LIMD1: variants seen among roughly 807,000 people sequenced by gnomAD.
LIMD1 encodes the protein LIM domain-containing protein 1.
In LIMD1, 23 loss-of-function variants were observed where a neutral mutation model predicts 58.4. The ratio of observed to expected loss-of-function variants is 0.39; its 90% CI spans 0.28 to 0.56. The LOEUF is 0.56. LIMD1 is among the 20% of genes least tolerant of loss of function. The pLI is 0.57. For missense variants in LIMD1, 838 were observed against 855.5 expected (o/e 0.98, Z 0.25); for synonymous variants, 334 against 345.5 (o/e 0.97, Z 0.37).
intron 5 of LIMD1, 27 bp downstream of exon 5, chr3:45,672,847 C>T (rs776731903): frequency 1.2e-6 from 2 of 1,611,872 alleles, no homozygotes; most frequent in African/African-American, 1.3e-5. Context: ...GCAGACAGGA[C>T]CCATTCGTGT....
intron 1 of LIMD1, among the ~76,000 whole-genome samples, chr3:45,618,634 C>T (rs1329019560): frequency 2.0e-5 from 3 of 152,192 alleles, no homozygotes; most frequent in Non-Finnish European, 2.9e-5. Context: ...TTATGGGGCA[C>T]CTCTGTGCCA....
chr3:45,629,106 A>G (rs193158831), intron 1 of LIMD1, among the ~76,000 whole-genome samples: 2 of 152,256 alleles, frequency 1.3e-5, no homozygotes, highest in African/African-American at 2.4e-5. Flanking sequence ...GTGATTTCAC[A>G]GGTGTATAGA....
At position 45,672,673 on chromosome 3, in the gene LIMD1, C is replaced by T. The variant is rs1357942591; in HGVS notation, c.1642-17C>T. On this transcript the variant is annotated splice_polypyrimidine_tract_variant and intron_variant, in intron 4 of 7. Coordinates refer to ENST00000273317, the MANE Select transcript of LIMD1 (RefSeq NM_014240.3). ...TCCTTCCCTATAATCCCCACTGAGT[C>T]TTGGTCTCTGCTCCAGATCCTGCAA... 2 of 1,612,992 alleles carry T rather than the reference C, an allele frequency of 1.2e-6. No individual in the cohort carries two copies. Among genetic ancestry groups the T allele is most frequent in the Non-Finnish European group, 1.7e-6 (2 of 1,179,640 alleles).
At chr3:45,620,323 A>G (rs1298048376) in intron 1 of LIMD1, among the ~76,000 whole-genome samples, 1 of 152,220 alleles carries the variant, frequency 6.6e-6, no homozygotes. Flanking sequence ...GGGTATTGTA[A>G]CCCAGAGAAT....
chr3:45,624,263 CATG>C (rs763604215), intron 1 of LIMD1, among the ~76,000 whole-genome samples: 2 of 151,922 alleles, frequency 1.3e-5, no homozygotes, highest in African/African-American at 2.4e-5. Flanking sequence ...TGTGATCTTG[CATG>C]ATGTCTGGTG....
Position 45,595,068 on chromosome 3 carries a change from G to C in LIMD1, c.189G>C (p.Gln63His), listed in dbSNP as rs1360660760. 5.6e-6 allele frequency: 9 copies of C among 1,613,430 alleles called. No homozygotes were observed. The African/African-American group carries it at 6.7e-5, about 12-fold the overall frequency. The part of the protein sequence containing the change: ...AKIHLQQQQQ[Q>H]LLQEETLPRG... ...TCCACCTCCAGCAGCAGCAGCAGCA[G>C]CTCCTGCAGGAGGAGACTCTGCCCA... is the stretch of plus-strand genomic sequence containing the variant. The change falls in exon 1 of 8, where the codon CAG becomes CAC. Residue 63 changes from glutamine to histidine, a missense_variant. By Grantham distance (24) the Gln-to-His change is conservative (BLOSUM62 0). Transcript: ENST00000273317.
In LIMD1 at chr3:45,658,535, C is replaced by CTTTTTTTTT. The variant is rs10572210; in HGVS notation, c.1511-7091_1511-7083dup. 2.0e-3 allele frequency among the ~76,000 whole-genome samples: 89 copies of CTTTTTTTTT among 44,768 alleles called. 13 individuals carry two copies. The highest frequency in any genetic ancestry group is 2.9e-3 in the Non-Finnish European group (65 of 22,176). 29.4% of individuals were successfully genotyped at this position (44,768 alleles called of 152,430 possible). On this transcript the variant is annotated intron_variant, in intron 2 of 7. Transcript: ENST00000273317. ...AACCATCCCCTCCACCATGCAGATT[C>CTTTTTTTTT]TTTTTTTTTTTTTTTTTTTTTTTTT... is the stretch of plus-strand genomic sequence containing the variant.
intron 1 of LIMD1, among the ~76,000 whole-genome samples, chr3:45,612,295 G>T (rs1701533796): frequency 6.6e-6 from 1 of 152,026 alleles, no homozygotes; most frequent in Non-Finnish European, 1.5e-5. Context: ...TCTTGCCCAG[G>T]CTGGTCTTGA....
chr3:45,597,393 C>T lies in LIMD1; in HGVS notation c.1408+1106C>T, dbSNP rs569619786. On this transcript the variant is annotated intron_variant, in intron 1 of 7. Transcript: ENST00000273317. Reference sequence around the variant, plus strand: ...GCCAACAGCCAGGTTGCACCACAGCCGTGGCACAAACTATGATGGAAAATG... The same window carrying T: ...GCCAACAGCCAGGTTGCACCACAGCTGTGGCACAAACTATGATGGAAAATG... Among the ~76,000 whole-genome samples the T allele has an allele frequency of 5.3e-5, 8 of 152,302 alleles. No individual in the cohort carries two copies. In the South Asian group the frequency reaches 1.7e-3, roughly 32 times the overall value.
At position 45,649,709 on chromosome 3, in the gene LIMD1, C is replaced by CAT. The variant is rs200476222; in HGVS notation, c.1510+13470_1510+13471dup. Among the ~76,000 whole-genome samples the CAT allele has an allele frequency of 3.5e-3, 469 of 135,168 alleles. 15 individuals carry two copies. The East Asian group carries it at 0.055, about 16-fold the overall frequency. 88.7% of individuals were successfully genotyped at this position (135,168 alleles called of 152,430 possible). A position where few individuals can be genotyped will look rare whatever the true frequency, so the allele number is the denominator to read the frequency against. On this transcript the variant is annotated intron_variant, in intron 2 of 7. Coordinates refer to ENST00000273317, the MANE Select transcript of LIMD1 (RefSeq NM_014240.3). ...AAAAAAAAAATTATATATATGTATA[C>CAT]ATATATATATATAAAATTATATAGA...
Position 45,595,673 on chromosome 3 carries a change from C to G in LIMD1, c.794C>G (p.Thr265Ser). ...GAGAAGCCAACAGGCCTTTGGTCCA[C>G]TGCCTCCTCCCAGCGGGTGAGCCCT... ...SSEKPTGLWS[T>S]ASSQRVSPGL... is the part of the protein sequence containing the mutation. Residue 265 changes from threonine (T) to serine (S), a missense_variant, in exon 1 of 8, where the codon ACT (threonine) becomes AGT (serine). Coordinates refer to ENST00000273317, the MANE Select transcript of LIMD1 (RefSeq NM_014240.3). 1 of 1,614,196 alleles carries G rather than the reference C, an allele frequency of 6.2e-7. No homozygotes were observed. Among genetic ancestry groups the G allele is most frequent in the Non-Finnish European group, 8.5e-7 (1 of 1,180,044 alleles).
chr3:45,644,489 G>A (rs1276516417), intron 2 of LIMD1, among the ~76,000 whole-genome samples: 23 of 152,168 alleles, frequency 1.5e-4, no homozygotes, highest in Admixed American at 9.8e-4. Flanking sequence ...CTAGCTTACC[G>A]TGGGCCTGAC....
chr3:45,679,380 G>C lies in LIMD1; in HGVS notation c.*2321G>C, dbSNP rs982145563. The C allele has an allele frequency of 6.6e-6, 1 of 152,130 alleles. No individual in the cohort carries two copies. The highest frequency in any genetic ancestry group is 1.5e-5 in the Non-Finnish European group (1 of 68,044). 9.4% of individuals were successfully genotyped at this position (152,130 alleles called of 1,614,324 possible). A position where few individuals can be genotyped will look rare whatever the true frequency, so the allele number is the denominator to read the frequency against. ...TCTCCAATCAGTTGTTTTTCTCTTC[G>C]CTTCAGGCCCTTACACAAAAGCCAT... On this transcript the variant is annotated 3_prime_UTR_variant, in exon 8 of 8. Coordinates refer to ENST00000273317, the MANE Select transcript of LIMD1 (RefSeq NM_014240.3).
intron 3 of LIMD1, 129 bp from the exon 4 acceptor site, chr3:45,668,165 G>C: frequency 1.5e-6 from 1 of 688,746 alleles, no homozygotes; most frequent in Non-Finnish European, 2.5e-6. Context: ...TTGTACTTGG[G>C]GATGACAGAA....
At chr3:45,635,039 A>G (rs1701772038) in intron 1 of LIMD1, 1 of 152,180 alleles carries the variant, frequency 6.6e-6, no homozygotes, top group South Asian at 2.1e-4. Context: ...GTAGTTTGAG[A>G]CCAGCCTGGC....
At chr3:45,651,176 A>G (rs1701971388) in intron 2 of LIMD1, among the ~76,000 whole-genome samples, 1 of 151,870 alleles carries the variant, frequency 6.6e-6, no homozygotes. Flanking sequence ...ACACTTTTTG[A>G]TGGGGTTGTT....
At chr3:45,599,511 A>G (rs934517343) in intron 1 of LIMD1, among the ~76,000 whole-genome samples, 3 of 152,166 alleles carry the variant, frequency 2.0e-5, no homozygotes, top group Non-Finnish European at 4.4e-5. Flanking sequence ...TGTCTAGTCA[A>G]GTGTTCTGGG....
rs750662483 is a variant in LIMD1, at chr3:45,677,096, G to C, written c.*37G>C. Reference sequence around the variant, plus strand: ...TGCAGACATCACGGCAGGGGATGAGGAGCCGGGGTTGCTGCTGCTGCTTCC... The same window carrying C: ...TGCAGACATCACGGCAGGGGATGAGCAGCCGGGGTTGCTGCTGCTGCTTCC... On this transcript the variant is annotated 3_prime_UTR_variant, in exon 8 of 8. Transcript: ENST00000273317. 2 of 1,600,872 alleles carry C rather than the reference G, an allele frequency of 1.2e-6. No homozygotes were observed. The highest frequency in any genetic ancestry group is 3.3e-5 in the Admixed American group (2 of 59,832).
chr3:45,616,458 C>A (rs1021827793), intron 1 of LIMD1, among the ~76,000 whole-genome samples: 8 of 152,194 alleles, frequency 5.3e-5, no homozygotes, highest in African/African-American at 1.7e-4. Flanking sequence ...CCCTCCTGGG[C>A]TTGGAAAGAA....
Sources: gnomAD v4.1 joint callset for allele counts (sites outside exome capture counted in the v4.1 genomes callset) on GRCh38, gnomAD v4.1.1 for gene constraint, MANE v1.5 for transcripts, NCBI Gene and HGNC (gene_info 2026-07-23, HGNC 2026-07-21) for gene names.